MBD5: variants seen among roughly 807,000 people sequenced by gnomAD.
MBD5 encodes methyl-CpG-binding domain protein 5.
A neutral mutation model predicts 117.3 loss-of-function variants in MBD5; 13 were observed. The ratio of observed to expected loss-of-function variants is 0.11; its 90% CI spans 0.07 to 0.18. The LOEUF is 0.18. MBD5 is among the 10% of genes least tolerant of loss of function. The probability of loss-of-function intolerance (pLI) is 1.00; values close to 1 mark genes in which losing one functional copy is unlikely to be tolerated. For missense variants in MBD5, 1,879 were observed against 2,093.8 expected, an observed-to-expected ratio of 0.90 and a Z score of 2.00; for synonymous variants, 727 against 766.4, an observed-to-expected ratio of 0.95 and a Z score of 0.85.
intron 11 of MBD5, among the ~76,000 whole-genome samples, chr2:148,500,022 T>G (rs1681824550): frequency 6.6e-6 from 1 of 152,176 alleles, no homozygotes; most frequent in South Asian, 2.1e-4. Flanking sequence ...TATATTTGCT[T>G]TCTTTTTCGA....
Position 148,181,974 on chromosome 2 carries a change from A to C in MBD5, c.-831+3181A>C, listed in dbSNP as rs1406844997. 5.3e-5 allele frequency among the ~76,000 whole-genome samples: 8 copies of C among 152,086 alleles called. No individual in the cohort carries two copies. The East Asian group carries it at 1.5e-3, about 29-fold the overall frequency. On this transcript the variant is annotated intron_variant, in intron 2 of 13. Transcript: ENST00000642680. ...TCTTTTTTTTGAAATAGATTATTATAATCATTTGAAATTAATGATAATATT... is the reference window on the plus strand; with the variant it reads ...TCTTTTTTTTGAAATAGATTATTATCATCATTTGAAATTAATGATAATATT...
chr2:148,124,985 G>A lies in MBD5; in HGVS notation c.-924-53715G>A, dbSNP rs558376399. ...AAAAATATATATAAAAGTGGGATCA[G>A]GATTATACATATATATTTATTTATA... On this transcript the variant is annotated intron_variant, in intron 1 of 13. Transcript: ENST00000642680. Among the ~76,000 whole-genome samples, 3 of 150,704 alleles carry A rather than the reference G, an allele frequency of 2.0e-5. No homozygotes were observed. The South Asian group carries it at 6.3e-4, about 32-fold the overall frequency.
chr2:148,266,662 A>C (rs1700868664), intron 3 of MBD5, among the ~76,000 whole-genome samples: 1 of 152,164 alleles, frequency 6.6e-6, no homozygotes, highest in Non-Finnish European at 1.5e-5. Flanking sequence ...ACTAAAAATC[A>C]GTTTATAAAA....
chr2:148,119,474 G>A (rs969449435), intron 1 of MBD5, among the ~76,000 whole-genome samples: 19 of 152,022 alleles, frequency 1.2e-4, no homozygotes, highest in Admixed American at 1.2e-3. Context: ...CTTCTTGATG[G>A]TGTTCTATGC....
intron 1 of MBD5, among the ~76,000 whole-genome samples, chr2:148,135,338 C>T (rs1048260284): frequency 2.0e-5 from 3 of 152,178 alleles, no homozygotes; most frequent in Admixed American, 1.3e-4. Flanking sequence ...TTCTTTCCCC[C>T]TGAAGATTTC....
chr2:148,503,367 T>C (rs551354780), intron 12 of MBD5, among the ~76,000 whole-genome samples: 28 of 152,324 alleles, frequency 1.8e-4, no homozygotes, highest in African/African-American at 6.3e-4. Flanking sequence ...TTGTCGTCTT[T>C]CTAAAAATAC....
At chr2:148,345,967 AGGGTGGAC>A (rs1163088736) in intron 4 of MBD5, 2 of 151,996 alleles carry the variant, frequency 1.3e-5, no homozygotes, top group African/African-American at 4.8e-5. Flanking sequence ...ATTCAGATTA[AGGGTGGAC>A]GTGCCTTCCC....
intron 8 of MBD5, among the ~76,000 whole-genome samples, chr2:148,481,538 A>G (rs959971499): frequency 1.3e-5 from 2 of 152,206 alleles, no homozygotes; most frequent in African/African-American, 2.4e-5. Context: ...GTATTTTTAA[A>G]TAAAACTAAA....
chr2:148,209,184 T>C (rs1291178124), intron 2 of MBD5, among the ~76,000 whole-genome samples: 5 of 152,230 alleles, frequency 3.3e-5, no homozygotes, highest in Non-Finnish European at 2.9e-5. Context: ...ATTATATATC[T>C]CATTGTGTTA....
At chr2:148,362,513 C>A (rs1559040056) in intron 4 of MBD5, among the ~76,000 whole-genome samples, 1 of 152,194 alleles carries the variant, frequency 6.6e-6, no homozygotes, top group Non-Finnish European at 1.5e-5. Flanking sequence ...AAACTCCCAT[C>A]TCCCTGGGAC....
intron 1 of MBD5, among the ~76,000 whole-genome samples, chr2:148,125,985 G>A (rs772558096): frequency 2.0e-5 from 3 of 152,286 alleles, no homozygotes; most frequent in Non-Finnish European, 4.4e-5. Flanking sequence ...GGTAGTATAA[G>A]TACATGCTTT....
At chr2:148,144,521 C>A (rs973603969) in intron 1 of MBD5, among the ~76,000 whole-genome samples, 2 of 152,086 alleles carry the variant, frequency 1.3e-5, no homozygotes, top group African/African-American at 4.8e-5. Flanking sequence ...AAGTCCTTGC[C>A]CATGCCTATG....
At position 148,288,417 on chromosome 2, in the gene MBD5, G is replaced by T. The variant is rs1430050900; in HGVS notation, c.-679-53797G>T. On this transcript the variant is annotated intron_variant, in intron 3 of 13. Coordinates refer to ENST00000642680, the MANE Select transcript of MBD5 (RefSeq NM_001378120.1). ...TCCGTCTCAAAAAAAAAAAAAAAGTGATTTCTTCACAGTAATAAGATGGAA... is the reference window on the plus strand; with the variant it reads ...TCCGTCTCAAAAAAAAAAAAAAAGTTATTTCTTCACAGTAATAAGATGGAA... Among the ~76,000 whole-genome samples, 12 of 136,594 alleles carry T rather than the reference G, an allele frequency of 8.8e-5. 1 individual carries two copies. In the South Asian group the frequency reaches 2.3e-3, roughly 27 times the overall value. 89.6% of individuals were successfully genotyped at this position (136,594 alleles called of 152,430 possible).
At chr2:148,346,578 G>GC (rs1355997886) in intron 4 of MBD5, 3 of 151,904 alleles carry the variant, frequency 2.0e-5, no homozygotes, top group Middle Eastern at 3.4e-3. Context: ...TTACTACTGA[G>GC]CATGAGTATC....
chr2:148,136,223 C>A (rs1043819836), intron 1 of MBD5, among the ~76,000 whole-genome samples: 1 of 152,034 alleles, frequency 6.6e-6, no homozygotes, highest in Admixed American at 6.5e-5. Context: ...CACGGTCTTA[C>A]GTGTACTCTA....
intron 1 of MBD5, among the ~76,000 whole-genome samples, chr2:148,060,394 A>G (rs1432924107): frequency 6.6e-6 from 1 of 152,084 alleles, no homozygotes; most frequent in Non-Finnish European, 1.5e-5. Context: ...AAAAAAGAAC[A>G]AATTTTATCA....
At chr2:148,026,263 C>T (rs1693889523) in intron 1 of MBD5, 1 of 152,084 alleles carries the variant, frequency 6.6e-6, no homozygotes, top group South Asian at 2.1e-4. Context: ...AAAACACAGT[C>T]ACAGTAGAGT....
intron 1 of MBD5, among the ~76,000 whole-genome samples, chr2:148,134,230 AG>A (rs1697119766): frequency 7.6e-6 from 1 of 132,040 alleles, no homozygotes; most frequent in Non-Finnish European, 1.6e-5. Flanking sequence ...ATAGATAGAT[AG>A]ATAGATCGAT....
At chr2:148,175,668 T>C (rs1003310095) in intron 1 of MBD5, among the ~76,000 whole-genome samples, 3 of 152,208 alleles carry the variant, frequency 2.0e-5, no homozygotes, top group East Asian at 1.9e-4. Context: ...GAAAATACCA[T>C]AGTTAATTGT....
Sources: gnomAD v4.1 joint callset for allele counts (sites outside exome capture counted in the v4.1 genomes callset) on GRCh38, gnomAD v4.1.1 for gene constraint, MANE v1.5 for transcripts, NCBI Gene and HGNC (gene_info 2026-07-23, HGNC 2026-07-21) for gene names.